CHD1L: variants seen among roughly 807,000 people sequenced by gnomAD.
The protein encoded by CHD1L is chromodomain helicase DNA binding protein 1 like.
A neutral mutation model predicts 115.9 loss-of-function variants in CHD1L; 118 were observed. That is an observed-to-expected ratio of 1.02 (90% CI 0.88 to 1.19). CHD1L has a LOEUF of 1.19. Ranked by LOEUF, CHD1L falls within the 50% of genes most tolerant of loss-of-function variation. The pLI, the probability that CHD1L is intolerant of heterozygous loss-of-function variation, is 0.00. For synonymous variants in CHD1L, 411 were observed against 387.1 expected (o/e 1.06, Z -0.72); for missense variants, 1,179 against 1,065.3 (o/e 1.11, Z -1.49).
chr1:147,191,894 T>C, the CHD1L span, among the ~76,000 whole-genome samples: 1 of 152,134 alleles, frequency 6.6e-6, no homozygotes, highest in African/African-American at 2.4e-5. Context: ...ACCAGTACCA[T>C]GCTGTTTTGG....
At chr1:147,219,536 G>A in the CHD1L span, among the ~76,000 whole-genome samples, 1,368 of 152,172 alleles carry the variant, frequency 9.0e-3, 9 homozygotes, top group Non-Finnish European at 0.014. Flanking sequence ...ATACTTAACA[G>A]TGAGAAATTA....
chr1:147,215,060 A>G, the CHD1L span: 1 of 152,216 alleles, frequency 6.6e-6, no homozygotes, highest in African/African-American at 2.4e-5. Context: ...ATATCTGACC[A>G]TAAAATTCTT....
At chr1:147,247,182 T>TA (rs1666892598) in intron 1 of CHD1L, among the ~76,000 whole-genome samples, 1 of 152,226 alleles carries the variant, frequency 6.6e-6, no homozygotes, top group East Asian at 1.9e-4. Flanking sequence ...TCAGAGAACA[T>TA]ACTCTGTACA....
intron 1 of CHD1L, among the ~76,000 whole-genome samples, chr1:147,243,906 G>A (rs1163155162): frequency 3.3e-5 from 5 of 152,214 alleles, no homozygotes; most frequent in Non-Finnish European, 7.3e-5. Flanking sequence ...AACAAAAGGT[G>A]CAATTCTGTG....
Position 147,295,518 on chromosome 1 carries a change from C to T in CHD1L, c.*9C>T, listed in dbSNP as rs782548037. On this transcript the variant is annotated 3_prime_UTR_variant, in exon 23 of 23. Transcript: ENST00000369258. ...GACAGCTGGTGCCTTAAGAATTGGC[C>T]CAGCCTCAGATCCTGTCTTTAGCAA... The T allele has an allele frequency of 2.5e-5, 40 of 1,594,960 alleles. No homozygotes were observed. The South Asian group carries it at 3.0e-4, about 12-fold the overall frequency.
At chr1:147,212,643 A>T in the CHD1L span, 12 of 1,044,166 alleles carry the variant, frequency 1.1e-5, no homozygotes, top group African/African-American at 1.9e-4. Flanking sequence ...ATATTCTCCA[A>T]GTGTTCTCTT....
At chr1:147,213,440 C>A in the CHD1L span, 1 of 1,611,628 alleles carries the variant, frequency 6.2e-7, no homozygotes, top group East Asian at 2.2e-5. Flanking sequence ...GTGGCAAAAT[C>A]AGGCTGCTTC....
chr1:147,278,794 C>T (rs1328011238), intron 14 of CHD1L, among the ~76,000 whole-genome samples: 3 of 152,104 alleles, frequency 2.0e-5, no homozygotes, highest in African/African-American at 7.2e-5. Context: ...CTATCTTTAT[C>T]CCCATCTTAA....
rs1463617506 is a variant in CHD1L at position 147,253,972 on chromosome 1, CTT to C, written c.241-894_241-893del. Among the ~76,000 whole-genome samples the C allele has an allele frequency of 2.0e-3, 312 of 152,270 alleles. 2 individuals carry two copies. The highest frequency in any genetic ancestry group is 7.0e-3 in the African/African-American group (292 of 41,564). On this transcript the variant is annotated intron_variant, in intron 2 of 22. Transcript: ENST00000369258. ...CAGACGAGAAATGGTGATTCCTCCC[CTT>C]TTTGTGCTGTTTAATCTTGATAGGA...
the CHD1L span, chr1:147,178,906 TATG>T: frequency 6.3e-7 from 1 of 1,577,412 alleles, no homozygotes; most frequent in Non-Finnish European, 8.7e-7. Context: ...TATTGCTTAC[TATG>T]ATGTGGACTA....
At chr1:147,214,460 A>AG in the CHD1L span, among the ~76,000 whole-genome samples, 1 of 84 alleles carries the variant, frequency 0.012, no homozygotes, top group Non-Finnish European at 0.031. Context: ...GAAAAAAAAC[A>AG]AAAAACAAAA....
chr1:147,177,272 T>C, the CHD1L span, among the ~76,000 whole-genome samples: 10 of 152,166 alleles, frequency 6.6e-5, no homozygotes, highest in African/African-American at 2.4e-4. Flanking sequence ...GAGCTCCCAA[T>C]AGCTAAAGCT....
At chr1:147,238,738 A>C (rs1387966698), upstream of CHD1L, among the ~76,000 whole-genome samples, 1 of 152,152 alleles carries the variant, frequency 6.6e-6, no homozygotes, top group Non-Finnish European at 1.5e-5. Flanking sequence ...TAGATTTTAA[A>C]ATTGTTCCAC....
chr1:147,232,475 ACCTCTCCCTCTC>A, the CHD1L span, among the ~76,000 whole-genome samples: 53 of 150,086 alleles, frequency 3.5e-4, no homozygotes, highest in African/African-American at 9.4e-4. Flanking sequence ...CTAAACCTCA[ACCTCTCCCTCTC>A]CCTCTCCCTC....
At chr1:147,208,385 CA>C in the CHD1L span, 1 of 152,324 alleles carries the variant, frequency 6.6e-6, no homozygotes, top group African/African-American at 2.4e-5. Flanking sequence ...TCTGTGGGTA[CA>C]AGTTAGAAAT....
chr1:147,213,751 G>A, the CHD1L span, among the ~76,000 whole-genome samples: 2 of 152,168 alleles, frequency 1.3e-5, no homozygotes, highest in African/African-American at 4.8e-5. Flanking sequence ...CTAAGGCACT[G>A]TAACACCTGA....
chr1:147,251,331 A>C (rs1016860995), intron 1 of CHD1L, among the ~76,000 whole-genome samples: 1 of 152,046 alleles, frequency 6.6e-6, no homozygotes, highest in South Asian at 2.1e-4. Flanking sequence ...CTTCTTCACT[A>C]CACCTTTCAG....
chr1:147,181,179 G>C, the CHD1L span, among the ~76,000 whole-genome samples: 1 of 152,220 alleles, frequency 6.6e-6, no homozygotes, highest in Non-Finnish European at 1.5e-5. Context: ...AGGAATTAGA[G>C]CACAACTCCA....
chr1:147,251,742 G>T (rs1447436170), intron 1 of CHD1L, among the ~76,000 whole-genome samples: 2 of 151,924 alleles, frequency 1.3e-5, no homozygotes, highest in Non-Finnish European at 2.9e-5. Context: ...TGTTGGCCAG[G>T]CTGGTCTTGA....
Sources: gnomAD v4.1 joint callset for allele counts (sites outside exome capture counted in the v4.1 genomes callset) on GRCh38, gnomAD v4.1.1 for gene constraint, MANE v1.5 for transcripts, NCBI Gene and HGNC (gene_info 2026-07-23, HGNC 2026-07-21) for gene names.